The following GRIK3 variants were observed in gnomAD, a reference collection of about 807,000 sequenced individuals.
GRIK3 encodes glutamate receptor ionotropic, kainate 3.
Under a neutral mutation model 102.5 loss-of-function variants are expected in GRIK3, and 29 were observed. The ratio of observed to expected loss-of-function variants is 0.28; its 90% CI spans 0.21 to 0.39. GRIK3 has a LOEUF of 0.39. Ranked by LOEUF, GRIK3 falls within the 10% of genes least tolerant of loss-of-function variation. The probability of loss-of-function intolerance (pLI) is 1.00; values close to 1 mark genes in which losing one functional copy is unlikely to be tolerated. For missense variants in GRIK3, 908 were observed against 1,252.4 expected (o/e 0.73, Z 4.15); for synonymous variants, 511 against 504.9 (o/e 1.01, Z -0.16).
At chr1:36,829,797 T>C (rs1239059157) in intron 10 of GRIK3, among the ~76,000 whole-genome samples, 1 of 152,228 alleles carries the variant, frequency 6.6e-6, no homozygotes, top group African/African-American at 2.4e-5. Context: ...TAACCTGCTA[T>C]AGCTCCATCT....
Position 36,806,749 on chromosome 1 carries a change from T to C in GRIK3, c.2092-423A>G, listed in dbSNP as rs1642505978. Among the ~76,000 whole-genome samples, 2 of 152,178 alleles carry C rather than the reference T, an allele frequency of 1.3e-5. No homozygotes were observed. The highest frequency in any genetic ancestry group is 2.4e-5 in the African/African-American group (1 of 41,434). Reference sequence around the variant, plus strand: ...AAGCCCCATTTTACAAATAAAAAGATTGAGGCACAGCTAAGTCACTTGCCT... The same window carrying C: ...AAGCCCCATTTTACAAATAAAAAGACTGAGGCACAGCTAAGTCACTTGCCT... On this transcript the variant is annotated intron_variant, in intron 13 of 15. Coordinates refer to ENST00000373091, the MANE Select transcript of GRIK3 (RefSeq NM_000831.4). This position sits in a 1 kb window ranked among gnomAD's most constrained non-coding sequence, Gnocchi z 4.0.
At chr1:36,937,101 G>A in intron 1 of GRIK3, among the ~76,000 whole-genome samples, 1 of 152,296 alleles carries the variant, frequency 6.6e-6, no homozygotes, top group Admixed American at 6.5e-5. Context: ...TCAAATTGTA[G>A]TGTGTGACAC....
chr1:36,990,392 C>T (rs577290719), intron 1 of GRIK3, among the ~76,000 whole-genome samples: 1 of 152,172 alleles, frequency 6.6e-6, no homozygotes, highest in Non-Finnish European at 1.5e-5. Flanking sequence ...CTCTTCCCAA[C>T]TTGGAAGGGC....
chr1:36,915,698 T>C (rs888389516), intron 1 of GRIK3, among the ~76,000 whole-genome samples: 11 of 152,164 alleles, frequency 7.2e-5, no homozygotes, highest in Non-Finnish European at 1.2e-4. Flanking sequence ...AAGGGGAGTT[T>C]CCCTGAACAA....
At chr1:36,961,019 C>G (rs1034968005) in intron 1 of GRIK3, among the ~76,000 whole-genome samples, 3 of 152,264 alleles carry the variant, frequency 2.0e-5, no homozygotes, top group Admixed American at 2.0e-4. Context: ...GCTAAAGCCA[C>G]ATACATGGAG....
At chr1:37,029,829 G>A (rs1350674857) in intron 1 of GRIK3, among the ~76,000 whole-genome samples, 1 of 152,156 alleles carries the variant, frequency 6.6e-6, no homozygotes, top group African/African-American at 2.4e-5. Flanking sequence ...GAGGGGTCGG[G>A]GATAAAGAGC....
At chr1:36,821,280 G>A (rs1277991424) in intron 11 of GRIK3, among the ~76,000 whole-genome samples, 1 of 152,206 alleles carries the variant, frequency 6.6e-6, no homozygotes, top group Non-Finnish European at 1.5e-5. Context: ...ACCACAAACT[G>A]GTTAGAGGCT....
intron 1 of GRIK3, among the ~76,000 whole-genome samples, chr1:36,980,765 C>T (rs1642240691): frequency 6.6e-6 from 1 of 152,062 alleles, no homozygotes; most frequent in South Asian, 2.1e-4. Context: ...GTTTAGGCTC[C>T]ACAGTGGCAG....
intron 3 of GRIK3, among the ~76,000 whole-genome samples, chr1:36,875,223 T>C (rs1640900378): frequency 6.6e-6 from 1 of 152,254 alleles, no homozygotes; most frequent in Non-Finnish European, 1.5e-5. Context: ...TTTTGACTCC[T>C]AGGCTGTAGC....
At chr1:37,022,920 C>T (rs758677262) in intron 1 of GRIK3, among the ~76,000 whole-genome samples, 4 of 152,172 alleles carry the variant, frequency 2.6e-5, no homozygotes, top group Non-Finnish European at 5.9e-5. Context: ...AGTGCTACAA[C>T]AGGAAAAGTA....
intron 1 of GRIK3, among the ~76,000 whole-genome samples, chr1:37,025,119 C>T (rs1295671333): frequency 6.6e-6 from 1 of 152,118 alleles, no homozygotes; most frequent in African/African-American, 2.4e-5. Context: ...CACATGTTAG[C>T]TTTTTAGAGG....
intron 10 of GRIK3, among the ~76,000 whole-genome samples, chr1:36,831,514 C>A (rs374987839): frequency 2.6e-4 from 39 of 152,328 alleles, no homozygotes; most frequent in African/African-American, 9.1e-4. Flanking sequence ...GGAATCACCA[C>A]TTTGAATCTA....
At chr1:36,976,954 C>A (rs972681568) in intron 1 of GRIK3, among the ~76,000 whole-genome samples, 1 of 152,184 alleles carries the variant, frequency 6.6e-6, no homozygotes, top group African/African-American at 2.4e-5. Flanking sequence ...GCATCTGGCA[C>A]AGAACAGCCA....
intron 4 of GRIK3, among the ~76,000 whole-genome samples, chr1:36,871,782 C>T (rs940485330): frequency 1.3e-5 from 2 of 152,182 alleles, no homozygotes; most frequent in African/African-American, 2.4e-5. Context: ...CTGGAAGAGG[C>T]GGTGAGGCAT....
intron 10 of GRIK3, among the ~76,000 whole-genome samples, chr1:36,840,651 C>A (rs948342951): frequency 1.3e-5 from 2 of 152,072 alleles, no homozygotes; most frequent in African/African-American, 4.8e-5. Context: ...CACTTGAGCC[C>A]AGGAGTTTGA....
At chr1:36,971,472 C>T (rs182090253) in intron 1 of GRIK3, among the ~76,000 whole-genome samples, 10 of 152,326 alleles carry the variant, frequency 6.6e-5, no homozygotes, top group Admixed American at 6.5e-4. Context: ...TGAGGGCCTG[C>T]TAATTCCCTT....
At chr1:36,841,626 C>T (rs1640451268) in intron 10 of GRIK3, 110 bp downstream of exon 10, 6 of 905,274 alleles carry the variant, frequency 6.6e-6, no homozygotes, top group African/African-American at 3.3e-5. Flanking sequence ...CTCCATCACT[C>T]CTGTCCCCAG....
chr1:36,818,486 T>A (rs1428813767), intron 12 of GRIK3, among the ~76,000 whole-genome samples: 1 of 152,234 alleles, frequency 6.6e-6, no homozygotes, highest in Non-Finnish European at 1.5e-5. Flanking sequence ...CAAACCAGGC[T>A]TTGGGCTGCT....
intron 8 of GRIK3, among the ~76,000 whole-genome samples, chr1:36,852,213 A>G (rs1036595268): frequency 2.0e-5 from 3 of 152,132 alleles, no homozygotes; most frequent in African/African-American, 7.2e-5. Context: ...AGTAATAGGG[A>G]GGCTTCCCCA....
Sources: gnomAD v4.1 joint callset for allele counts (sites outside exome capture counted in the v4.1 genomes callset) on GRCh38, gnomAD v4.1.1 for gene constraint, Gnocchi (gnomAD v3.1) non-coding constraint, MANE v1.5 for transcripts, NCBI Gene and HGNC (gene_info 2026-07-23, HGNC 2026-07-21) for gene names.